SLC16A9: variants seen among roughly 807,000 people sequenced by gnomAD.
SLC16A9 encodes the protein solute carrier family 16 member 9.
Under a neutral mutation model 44.3 loss-of-function variants are expected in SLC16A9, and 26 were observed. That is an observed-to-expected ratio of 0.59 (90% CI 0.43 to 0.81). The LOEUF (loss-of-function observed/expected upper bound fraction) is 0.81, where lower values mean the gene tolerates loss of function less well. Ranked by LOEUF, SLC16A9 falls within the 40% of genes least tolerant of loss-of-function variation. The pLI, the probability that SLC16A9 is intolerant of heterozygous loss-of-function variation, is 0.00. For missense variants in SLC16A9, 559 were observed against 595.8 expected, an observed-to-expected ratio of 0.94 and a Z score of 0.64; for synonymous variants, 230 against 225.1, an observed-to-expected ratio of 1.02 and a Z score of -0.19.
At chr10:59,684,412 TG>T in intron 1 of SLC16A9, 85 bp from the exon 2 acceptor site, 1 of 568,352 alleles carries the variant, frequency 1.8e-6, no homozygotes, top group Non-Finnish European at 2.7e-6. Flanking sequence ...CCTCCTAAAG[TG>T]AAAAAAAAAA....
rs1192830253 is a variant in SLC16A9, at chr10:59,681,426, T to TATG, written c.196+2667_196+2669dup. The stretch of plus-strand genomic sequence containing the variant: ...ATATATATATGTATATGTATATGTA[T>TATG]ATGTATATGATGTATATGTATATGT... On this transcript the variant is annotated intron_variant, in intron 2 of 5. Coordinates refer to ENST00000395348, the MANE Select transcript of SLC16A9 (RefSeq NM_194298.3). 8.6e-5 allele frequency among the ~76,000 whole-genome samples: 12 copies of TATG among 139,300 alleles called. 3 individuals are homozygous for TATG. The highest frequency in any genetic ancestry group is 1.4e-4 in the African/African-American group (5 of 36,434). The allele number at this position is 139,300 out of a possible 152,430, so 91.4% of individuals were successfully genotyped here.
At chr10:59,695,588 C>T (rs757522188) in intron 1 of SLC16A9, among the ~76,000 whole-genome samples, 136 of 150,926 alleles carry the variant, frequency 9.0e-4, no homozygotes, top group Admixed American at 2.4e-3. Flanking sequence ...CACCCACATC[C>T]ACTCTCCCCA....
chr10:59,665,660 C>G (rs1340935832), intron 3 of SLC16A9, among the ~76,000 whole-genome samples: 1 of 152,120 alleles, frequency 6.6e-6, no homozygotes, highest in East Asian at 1.9e-4. Flanking sequence ...CTGTTTCTAA[C>G]CAATCAATTT....
chr10:59,691,293 C>CA (rs766675787), intron 1 of SLC16A9, among the ~76,000 whole-genome samples: 3 of 152,240 alleles, frequency 2.0e-5, no homozygotes, highest in South Asian at 4.1e-4. Flanking sequence ...AGAGTGTTAA[C>CA]AAACCAGGAC....
chr10:59,693,253 ACT>A (rs1282761479), intron 1 of SLC16A9, among the ~76,000 whole-genome samples: 2 of 152,074 alleles, frequency 1.3e-5, no homozygotes, highest in African/African-American at 4.8e-5. Context: ...AAGTAAATCT[ACT>A]CTCTTTGTTG....
intron 1 of SLC16A9, among the ~76,000 whole-genome samples, chr10:59,709,090 C>A (rs1333788248): frequency 1.3e-5 from 2 of 152,134 alleles, no homozygotes; most frequent in Non-Finnish European, 2.9e-5. Context: ...AAATGGAGGC[C>A]CACCTGCATC....
At position 59,653,948 on chromosome 10, in the gene SLC16A9, A is replaced by G. The variant is rs1220437446; in HGVS notation, c.1078T>C (p.Leu360=). ...GIMTAVGKLL[L]GILADFKWIN... ...CACTTGAAGTCAGCCAGTATCCCTA[A>G]AAGCAGTTTACCAACTGCTGTCATA... The change falls in exon 5 of 6, where the codon TTA becomes CTA. Residue 360 remains leucine, a synonymous_variant. Coordinates refer to ENST00000395348, the MANE Select transcript of SLC16A9 (RefSeq NM_194298.3). 3.1e-6 allele frequency: 5 copies of G among 1,614,072 alleles called. No homozygotes were observed. Among genetic ancestry groups the G allele is most frequent in the Non-Finnish European group, 1.7e-6 (2 of 1,180,030 alleles).
intron 1 of SLC16A9, among the ~76,000 whole-genome samples, chr10:59,691,007 C>T (rs1840241657): frequency 6.6e-6 from 1 of 152,180 alleles, no homozygotes; most frequent in Admixed American, 6.5e-5. Flanking sequence ...ATCGCTTGAA[C>T]CCGGGAGGCA....
intron 2 of SLC16A9, among the ~76,000 whole-genome samples, chr10:59,673,444 T>C (rs1374965812): frequency 1.3e-5 from 2 of 152,134 alleles, no homozygotes; most frequent in African/African-American, 2.4e-5. Context: ...TACTCAGAAG[T>C]ACAGAACTTA....
At chr10:59,707,428 G>A (rs1840669554) in intron 1 of SLC16A9, among the ~76,000 whole-genome samples, 1 of 151,800 alleles carries the variant, frequency 6.6e-6, no homozygotes, top group South Asian at 2.1e-4. Context: ...CAGTAGGTAG[G>A]GTTGGGGTGA....
chr10:59,691,616 G>C (rs1054053287), intron 1 of SLC16A9, among the ~76,000 whole-genome samples: 1 of 152,122 alleles, frequency 6.6e-6, no homozygotes, highest in Non-Finnish European at 1.5e-5. Context: ...ATCTCCTAAA[G>C]CCAGAACCTG....
intron 3 of SLC16A9, among the ~76,000 whole-genome samples, chr10:59,672,405 G>T (rs999112783): frequency 3.9e-5 from 6 of 152,142 alleles, no homozygotes; most frequent in African/African-American, 1.4e-4. Context: ...AATCATGCTT[G>T]ACTGCCCAAT....
intron 1 of SLC16A9, among the ~76,000 whole-genome samples, chr10:59,707,041 T>A (rs2132559608): frequency 6.9e-6 from 1 of 145,726 alleles, no homozygotes; most frequent in East Asian, 2.1e-4. Flanking sequence ...GCACAGTGGC[T>A]CATGCCTGTA....
chr10:59,690,816 G>C (rs1035666660), intron 1 of SLC16A9, among the ~76,000 whole-genome samples: 1 of 152,024 alleles, frequency 6.6e-6, no homozygotes, highest in African/African-American at 2.4e-5. Context: ...AGGCAGGGTG[G>C]CTCACACCTA....
chr10:59,696,632 C>T (rs1470829690), intron 1 of SLC16A9, among the ~76,000 whole-genome samples: 14 of 150,454 alleles, frequency 9.3e-5, no homozygotes, highest in African/African-American at 3.4e-4. Flanking sequence ...CGTCTCTGCC[C>T]GGCCGCCATC....
chr10:59,672,942 T>C (rs1839786178), intron 2 of SLC16A9, 29 bp from the exon 3 acceptor site: 1 of 1,588,800 alleles, frequency 6.3e-7, no homozygotes, highest in Non-Finnish European at 8.5e-7. Flanking sequence ...CCTTCACTTA[T>C]TATCATATGA....
intron 2 of SLC16A9, among the ~76,000 whole-genome samples, chr10:59,680,134 G>A (rs1459203905): frequency 5.9e-5 from 9 of 152,130 alleles, no homozygotes; most frequent in Admixed American, 5.9e-4. Context: ...TAACCCAGGA[G>A]GGTAGGATCC....
chr10:59,673,728 T>TAAAG (rs2132455324), intron 2 of SLC16A9, among the ~76,000 whole-genome samples: 1 of 152,270 alleles, frequency 6.6e-6, no homozygotes, highest in South Asian at 2.1e-4. Context: ...CTGGCAGTGT[T>TAAAG]TACTAAAGCC....
rs1305923605 is a variant in SLC16A9, at chr10:59,681,716, A to G, written c.196+2380T>C. On this transcript the variant is annotated intron_variant, in intron 2 of 5. Coordinates refer to ENST00000395348, the MANE Select transcript of SLC16A9 (RefSeq NM_194298.3). The stretch of plus-strand genomic sequence containing the variant: ...TATATATATATGTATATGTATATGT[A>G]TATGATGTATATGTATATGTATATG... Among the ~76,000 whole-genome samples, 22 of 11,412 alleles carry G rather than the reference A, an allele frequency of 1.9e-3. 4 individuals carry two copies. Among genetic ancestry groups the G allele is most frequent in the Admixed American group, 4.3e-3 (2 of 466 alleles). The allele number at this position is 11,412 out of a possible 152,430, so 7.5% of individuals were successfully genotyped here.
Sources: allele counts gnomAD v4.1 joint callset (sites outside exome capture counted in the v4.1 genomes callset), GRCh38; gene constraint gnomAD v4.1.1; transcripts MANE v1.5; gene names NCBI Gene and HGNC (gene_info 2026-07-23, HGNC 2026-07-21).